GPR65: variants seen among roughly 807,000 people sequenced by gnomAD.
GPR65 encodes the protein G protein-coupled receptor 65.
GPR65 carries 2 observed loss-of-function variants against 0.7 expected under a neutral mutation model. The ratio of observed to expected loss-of-function variants is 2.83; its 90% confidence interval spans 1.16 to 8.92. GPR65 has a LOEUF of 8.92. Ranked by LOEUF, GPR65 falls within the 30% of genes most tolerant of loss-of-function variation. The pLI is 0.04. For synonymous variants in GPR65, 128 were observed against 146.5 expected, an observed-to-expected ratio of 0.87 and a Z score of 0.91; for missense variants, 379 against 399.4, an observed-to-expected ratio of 0.95 and a Z score of 0.43.
chr14:88,009,422 T>C (rs982040461), intron 1 of GPR65, among the ~76,000 whole-genome samples: 9 of 151,754 alleles, frequency 5.9e-5, no homozygotes, highest in African/African-American at 2.2e-4. Context: ...TATGATATAT[T>C]TTCCCATATG....
chr14:88,006,534 A>G (rs1887596524), intron 1 of GPR65, among the ~76,000 whole-genome samples: 1 of 152,216 alleles, frequency 6.6e-6, no homozygotes, highest in South Asian at 2.1e-4. Context: ...CAAGGCAGGA[A>G]ATGCTTTTAC....
Position 88,011,026 on chromosome 14 carries a change from A to T in GPR65, c.179A>T (p.Asp60Val), listed in dbSNP as rs1384393288. ...TACCTCTTCAGTTTGTCACTATCAG[A>T]TTTACTCTATGCATTAACTCTCCCT... The part of the protein sequence containing the change: ...GIYLFSLSLS[D>V]LLYALTLPLW... The change falls in exon 2 of 2, where the codon GAT becomes GTT. Residue 60 changes from aspartate (D) to valine (V), a missense_variant. By Grantham distance (152) the Asp-to-Val change is radical. Coordinates refer to ENST00000267549, the MANE Select transcript of GPR65 (RefSeq NM_003608.4). 6.2e-7 allele frequency: 1 copy of T among 1,612,862 alleles called. No individual in the cohort carries two copies. The highest frequency in any genetic ancestry group is 1.7e-5 in the Admixed American group (1 of 59,998).
chr14:88,010,971 C>A lies in GPR65; in HGVS notation c.124C>A (p.Gln42Lys). The A allele has an allele frequency of 6.2e-7, 1 of 1,613,028 alleles. No individual in the cohort carries two copies. The highest frequency in any genetic ancestry group is 8.5e-7 in the Non-Finnish European group (1 of 1,179,048). Residue 42 changes from glutamine (Q) to lysine (K), a missense_variant, in exon 2 of 2, where the codon CAA becomes AAA. Coordinates refer to ENST00000267549, the MANE Select transcript of GPR65 (RefSeq NM_003608.4). ...TGGATCTCTGTGTGTGTCTTTCCTG[C>A]AAGCAAAGAAGGAAAGTGAACTAGG... ...NIGSLCVSFL[Q>K]AKKESELGIY... is the part of the protein sequence containing the mutation.
chr14:88,007,790 GTA>G (rs1491240030), intron 1 of GPR65, among the ~76,000 whole-genome samples: 1,265 of 100,556 alleles, frequency 0.013, 13 homozygotes, highest in African/African-American at 0.038. Context: ...CTCTCTGTGT[GTA>G]TGTGTGTGTG....
At position 88,010,789 on chromosome 14, in the gene GPR65, C is replaced by A; in HGVS notation, c.-59C>A. On this transcript the variant is annotated 5_prime_UTR_variant, in exon 2 of 2. Transcript: ENST00000267549. ...ATGTTCAAAACAAACTACAAAGAGA[C>A]AAGACTTCTCTGTTTACTTTCTAAG... 8.6e-7 allele frequency: 1 copy of A among 1,160,200 alleles called. No homozygotes were observed. The highest frequency in any genetic ancestry group is 1.3e-6 in the Non-Finnish European group (1 of 794,964). 71.9% of individuals were successfully genotyped at this position (1,160,200 alleles called of 1,614,324 possible). A position where few individuals can be genotyped will look rare whatever the true frequency, so the allele number is the denominator to read the frequency against.
intron 1 of GPR65, among the ~76,000 whole-genome samples, chr14:88,008,454 T>A (rs907245162): frequency 3.3e-5 from 5 of 152,208 alleles, no homozygotes; most frequent in African/African-American, 9.6e-5. Flanking sequence ...ATTTGTGATC[T>A]TCAACCATGC....
chr14:88,011,431 CT>C lies in GPR65; in HGVS notation c.587del (p.Leu196TrpfsTer5), dbSNP rs1317791133. 2 of 1,614,038 alleles carry C rather than the reference CT, an allele frequency of 1.2e-6. No individual in the cohort carries two copies. Among genetic ancestry groups the C allele is most frequent in the Non-Finnish European group, 1.7e-6 (2 of 1,179,966 alleles). ...AGGACGTGTACAGGCTATGCAATAC[CT>C]TTGGTCACCATCCTGATCTGCAACC... is the stretch of plus-strand genomic sequence containing the variant. The part of the protein sequence containing the change: ...LFRTCTGYAI[P>X]LVTILICNRK... On this transcript the variant is annotated frameshift_variant, in exon 2 of 2. Transcript: ENST00000267549. LOFTEE classifies it low-confidence loss of function (END_TRUNC).
chr14:88,008,074 G>A (rs1268341636), intron 1 of GPR65, among the ~76,000 whole-genome samples: 1 of 152,048 alleles, frequency 6.6e-6, no homozygotes, highest in African/African-American at 2.4e-5. Context: ...AGGCATATAT[G>A]TTCCATCTGT....
rs1022858027 is a variant in GPR65 at position 88,013,400 on chromosome 14, G to A, written c.*1539G>A. ...CTTTTGAATCCTCATTGTGTAAATT[G>A]CCTCGTTGTAAATAGACACTCAGTA... On this transcript the variant is annotated 3_prime_UTR_variant, in exon 2 of 2. Coordinates refer to ENST00000267549, the MANE Select transcript of GPR65 (RefSeq NM_003608.4). 6.6e-6 allele frequency: 1 copy of A among 152,040 alleles called. No individual in the cohort carries two copies. Among genetic ancestry groups the A allele is most frequent in the African/African-American group, 2.4e-5 (1 of 41,406 alleles). The allele number at this position is 152,040 out of a possible 1,614,324, so 9.4% of individuals were successfully genotyped here.
chr14:88,012,106 C>T lies in GPR65; in HGVS notation c.*245C>T. On this transcript the variant is annotated 3_prime_UTR_variant, in exon 2 of 2. Coordinates refer to ENST00000267549, the MANE Select transcript of GPR65 (RefSeq NM_003608.4). ...TGACTCAGGGTCTTTATTGTTAATG[C>T]CAATTGTTTTTGTATCTGTGCTATA... The T allele has an allele frequency of 3.1e-6, 1 of 327,602 alleles. No homozygotes were observed. The highest frequency in any genetic ancestry group is 5.5e-5 in the East Asian group (1 of 18,330). The allele number at this position is 327,602 out of a possible 1,614,324, so 20.3% of individuals were successfully genotyped here. A position where few individuals can be genotyped will look rare whatever the true frequency, so the allele number is the denominator to read the frequency against.
chr14:88,007,792 A>C (rs73312876), intron 1 of GPR65, among the ~76,000 whole-genome samples: 12 of 136,250 alleles, frequency 8.8e-5, no homozygotes, highest in East Asian at 2.1e-4. Flanking sequence ...CTCTGTGTGT[A>C]TGTGTGTGTG....
chr14:88,009,691 G>A (rs1007732678), intron 1 of GPR65, among the ~76,000 whole-genome samples: 2 of 152,136 alleles, frequency 1.3e-5, no homozygotes, highest in African/African-American at 4.8e-5. Context: ...TGACATCATA[G>A]CTTTAAAAAG....
intron 1 of GPR65, among the ~76,000 whole-genome samples, chr14:88,006,848 A>G (rs1887601779): frequency 6.6e-6 from 1 of 152,072 alleles, no homozygotes; most frequent in Non-Finnish European, 1.5e-5. Context: ...ACATTACCCT[A>G]GTGTCCTTTT....
In GPR65 at chr14:88,014,125, C is replaced by T. The variant is rs557978274; in HGVS notation, c.*2264C>T. 7.9e-5 allele frequency: 12 copies of T among 152,290 alleles called. No homozygotes were observed. The highest frequency in any genetic ancestry group is 2.9e-4 in the African/African-American group (12 of 41,546). The allele number at this position is 152,290 out of a possible 1,614,324, so 9.4% of individuals were successfully genotyped here. A position where few individuals can be genotyped will look rare whatever the true frequency, so the allele number is the denominator to read the frequency against. On this transcript the variant is annotated 3_prime_UTR_variant, in exon 2 of 2. Transcript: ENST00000267549. Reference sequence around the variant, plus strand: ...TCATTTCTCTTCTCTCTGGAAAGCTCGGCAATCATCAGGTCATTTCATTTG... The same window carrying T: ...TCATTTCTCTTCTCTCTGGAAAGCTTGGCAATCATCAGGTCATTTCATTTG...
chr14:88,011,838 A>G lies in GPR65; in HGVS notation c.991A>G (p.Met331Val), dbSNP rs761229878. 7 of 1,570,324 alleles carry G rather than the reference A, an allele frequency of 4.5e-6. No individual in the cohort carries two copies. The highest frequency in any genetic ancestry group is 4.1e-5 in the African/African-American group (3 of 73,286). Residue 331 changes from methionine to valine, a missense_variant, in exon 2 of 2, where the codon ATG becomes GTG. Met to Val is a conservative substitution (Grantham distance 21). Transcript: ENST00000267549. ...RILSVSTKDT[M>V]ELEVLE Reference sequence around the variant, plus strand: ...ACTTTCTGTGTCTACAAAAGATACTATGGAATTAGAGGTCCTTGAGTAGAA... The same window carrying G: ...ACTTTCTGTGTCTACAAAAGATACTGTGGAATTAGAGGTCCTTGAGTAGAA...
rs200487695 is a variant in GPR65, at chr14:88,011,233, G to T, written c.386G>T (p.Arg129Ile). The change falls in exon 2 of 2, where the codon AGA (arginine) becomes ATA (isoleucine). Residue 129 changes from arginine to isoleucine, a missense_variant. Coordinates refer to ENST00000267549, the MANE Select transcript of GPR65 (RefSeq NM_003608.4). ...PLKFFFLRTR[R>I]FALMVSLSIW... The stretch of plus-strand genomic sequence containing the variant: ...AAGTTTTTTTTCCTAAGGACAAGAA[G>T]ATTTGCACTCATGGTCAGCCTGTCC... 1.9e-6 allele frequency: 3 copies of T among 1,613,938 alleles called. No individual in the cohort carries two copies. The East Asian group carries it at 6.7e-5, about 36-fold the overall frequency.
intron 1 of GPR65, among the ~76,000 whole-genome samples, chr14:88,006,009 A>G (rs1181655210): frequency 6.6e-6 from 1 of 152,222 alleles, no homozygotes; most frequent in Non-Finnish European, 1.5e-5. Flanking sequence ...ATACTGTAAT[A>G]GGAATTATAT....
In GPR65 at chr14:88,011,114, G is replaced by A; in HGVS notation, c.267G>A (p.Gly89=). 6.2e-7 allele frequency: 1 copy of A among 1,614,002 alleles called. No individual in the cohort carries two copies. The highest frequency in any genetic ancestry group is 8.5e-7 in the Non-Finnish European group (1 of 1,179,954). ...CTTTCTCTCCTGCCTTGTGCAAAGG[G>A]AGTGCTTTTCTCATGTACATGAATT... The part of the protein sequence containing the change: ...NWTFSPALCK[G]SAFLMYMNFY... Residue 89 remains glycine, a synonymous_variant, in exon 2 of 2, where the codon GGG becomes GGA. Coordinates refer to ENST00000267549, the MANE Select transcript of GPR65 (RefSeq NM_003608.4).
chr14:88,010,873 A>G lies in GPR65; in HGVS notation c.26A>G (p.Gln9Arg), dbSNP rs764270910. 8 of 1,613,066 alleles carry G rather than the reference A, an allele frequency of 5.0e-6. No individual in the cohort carries two copies. The African/African-American group carries it at 1.1e-4, about 22-fold the overall frequency. The change falls in exon 2 of 2, where the codon CAG becomes CGG. Residue 9 changes from glutamine to arginine, a missense_variant. Gln to Arg is a conservative substitution (Grantham distance 43). Transcript: ENST00000267549. ...ATGAACAGCACATGTATTGAAGAAC[A>G]GCATGACCTGGATCACTATTTGTTT... is the stretch of plus-strand genomic sequence containing the variant. MNSTCIEEQHDLDHYLFPI... is the reference protein window; with the variant it reads MNSTCIEERHDLDHYLFPI...
Sources: allele counts gnomAD v4.1 joint callset (sites outside exome capture counted in the v4.1 genomes callset), GRCh38; gene constraint gnomAD v4.1.1; transcripts MANE v1.5; gene names NCBI Gene and HGNC (gene_info 2026-07-23, HGNC 2026-07-21).